PPP1R12B: variants seen among roughly 807,000 people sequenced by gnomAD.
The protein encoded by PPP1R12B is protein phosphatase 1 regulatory subunit 12B.
A neutral mutation model predicts 126.1 loss-of-function variants in PPP1R12B; 76 were observed. The ratio of observed to expected loss-of-function variants is 0.60; its 90% confidence interval spans 0.50 to 0.73. The LOEUF (loss-of-function observed/expected upper bound fraction) is 0.73, where lower values mean the gene tolerates loss of function less well. PPP1R12B is among the 30% of genes least tolerant of loss of function. PPP1R12B has a pLI of 0.00. For synonymous variants in PPP1R12B, 356 were observed against 434.7 expected (o/e 0.82, Z 2.25); for missense variants, 1,052 against 1,205.1 (o/e 0.87, Z 1.88).
At chr1:202,422,185 TG>T (rs1261885013) in intron 2 of PPP1R12B, among the ~76,000 whole-genome samples, 2 of 152,234 alleles carry the variant, frequency 1.3e-5, no homozygotes, top group East Asian at 3.8e-4. Flanking sequence ...GATGTCTGGT[TG>T]ATAGGAGAGT....
chr1:202,401,047 T>C (rs1473945641), intron 1 of PPP1R12B, among the ~76,000 whole-genome samples: 8 of 152,246 alleles, frequency 5.3e-5, no homozygotes, highest in Admixed American at 3.3e-4. Context: ...AGATTTTTAG[T>C]GTCCATAAAA....
chr1:202,585,055 G>A lies in PPP1R12B; in HGVS notation c.*4495G>A, dbSNP rs1165469232. On this transcript the variant is annotated 3_prime_UTR_variant, in exon 24 of 24. Coordinates refer to ENST00000608999, the MANE Select transcript of PPP1R12B (RefSeq NM_002481.4). Reference sequence around the variant, plus strand: ...TCTCTCGCCCAGGCTGGAGTGCAGTGGTGTGATCTCAGCTCACTGCAACCT... The same window carrying A: ...TCTCTCGCCCAGGCTGGAGTGCAGTAGTGTGATCTCAGCTCACTGCAACCT... 6.6e-6 allele frequency: 1 copy of A among 152,404 alleles called. No individual in the cohort carries two copies. Among genetic ancestry groups the A allele is most frequent in the Non-Finnish European group, 1.5e-5 (1 of 68,224 alleles). 9.4% of individuals were successfully genotyped at this position (152,404 alleles called of 1,614,324 possible).
At chr1:202,501,453 G>A (rs1680219752) in intron 18 of PPP1R12B, among the ~76,000 whole-genome samples, 2 of 152,282 alleles carry the variant, frequency 1.3e-5, no homozygotes, top group South Asian at 4.1e-4. Flanking sequence ...AGCCAATCCT[G>A]TTGTATAATT....
intron 23 of PPP1R12B, chr1:202,575,730 C>A (rs1689033486): frequency 6.6e-6 from 1 of 152,138 alleles, no homozygotes; most frequent in Non-Finnish European, 1.5e-5. Flanking sequence ...GGGTCCATCC[C>A]CAAATAATCA....
chr1:202,527,818 G>A (rs927598736), intron 18 of PPP1R12B, among the ~76,000 whole-genome samples: 10 of 145,312 alleles, frequency 6.9e-5, no homozygotes, highest in South Asian at 2.2e-4. Flanking sequence ...AGAAGGAAGC[G>A]AGAATCTACA....
At chr1:202,574,167 C>CAA (rs11320060) in intron 23 of PPP1R12B, among the ~76,000 whole-genome samples, 17 of 122,328 alleles carry the variant, frequency 1.4e-4, no homozygotes, top group South Asian at 5.3e-4. Context: ...ACATGCCCCA[C>CAA]AAAAAAAAAA....
intron 1 of PPP1R12B, among the ~76,000 whole-genome samples, chr1:202,388,378 G>A (rs1287263596): frequency 6.6e-6 from 1 of 152,072 alleles, no homozygotes; most frequent in Non-Finnish European, 1.5e-5. Flanking sequence ...GCTAATTTTT[G>A]TATTTTTAGT....
intron 5 of PPP1R12B, 167 bp from the exon 6 acceptor site, chr1:202,428,687 CT>C (rs1361437474): frequency 1.7e-6 from 1 of 600,312 alleles, no homozygotes; most frequent in African/African-American, 1.9e-5. Flanking sequence ...GTTATGTGTC[CT>C]GTGTGATAGA....
At chr1:202,382,638 A>T (rs1328114233) in intron 1 of PPP1R12B, among the ~76,000 whole-genome samples, 1 of 151,884 alleles carries the variant, frequency 6.6e-6, no homozygotes, top group Admixed American at 6.6e-5. Context: ...GCACTTTGGG[A>T]GGCTGAGGGG....
chr1:202,368,897 A>G (rs1238466224), intron 1 of PPP1R12B, among the ~76,000 whole-genome samples: 2 of 152,072 alleles, frequency 1.3e-5, no homozygotes, highest in Non-Finnish European at 2.9e-5. Context: ...ATGCCTGGCT[A>G]TTTTTAATTT....
intron 18 of PPP1R12B, among the ~76,000 whole-genome samples, chr1:202,552,473 T>C (rs1216415883): frequency 6.6e-6 from 1 of 152,230 alleles, no homozygotes; most frequent in Admixed American, 6.5e-5. Context: ...TATACTATTT[T>C]GCAATTAACT....
intron 1 of PPP1R12B, among the ~76,000 whole-genome samples, chr1:202,377,938 A>T (rs1267986499): frequency 7.2e-6 from 1 of 138,886 alleles, no homozygotes. Context: ...CCCCGGGTTC[A>T]CGCCATTCTC....
chr1:202,584,999 C>G lies in PPP1R12B; in HGVS notation c.*4439C>G, dbSNP rs1198836399. ...CGTGTAATTGGCCTAAATCTAGGCC[C>G]AGTTATTACTACAAATCTTAGTCAC... On this transcript the variant is annotated 3_prime_UTR_variant, in exon 24 of 24. Transcript: ENST00000608999. 1 of 152,248 alleles carries G rather than the reference C, an allele frequency of 6.6e-6. No homozygotes were observed. The highest frequency in any genetic ancestry group is 1.5e-5 in the Non-Finnish European group (1 of 68,098). 9.4% of individuals were successfully genotyped at this position (152,248 alleles called of 1,614,324 possible). A position where few individuals can be genotyped will look rare whatever the true frequency, so the allele number is the denominator to read the frequency against.
chr1:202,351,840 G>A (rs988556846), intron 1 of PPP1R12B, among the ~76,000 whole-genome samples: 1 of 152,164 alleles, frequency 6.6e-6, no homozygotes, highest in Non-Finnish European at 1.5e-5. Context: ...CTCCTACAAC[G>A]TCACAGTAGA....
intron 11 of PPP1R12B, among the ~76,000 whole-genome samples, chr1:202,441,219 TTAAAA>T (rs1160300192): frequency 1.3e-5 from 2 of 152,222 alleles, no homozygotes; most frequent in Non-Finnish European, 2.9e-5. Flanking sequence ...TCCTAATTAG[TTAAAA>T]TAAATATAGG....
rs368299156 is a variant in PPP1R12B at position 202,558,702 on chromosome 1, G to T, written c.2491-175G>T. ...TGTGAACTAGGGCTAAGTCACCTTT[G>T]TGTAGTCAATTTGATTGCTTTTCTT... On this transcript the variant is annotated intron_variant, in intron 18 of 23. Coordinates refer to ENST00000608999, the MANE Select transcript of PPP1R12B (RefSeq NM_002481.4). 46 of 547,492 alleles carry T rather than the reference G, an allele frequency of 8.4e-5. No individual in the cohort carries two copies. In the East Asian group the frequency reaches 1.4e-3, roughly 17 times the overall value. The allele number at this position is 547,492 out of a possible 1,614,324, so 33.9% of individuals were successfully genotyped here.
At chr1:202,403,095 A>C (rs1030993846) in intron 1 of PPP1R12B, among the ~76,000 whole-genome samples, 14 of 152,296 alleles carry the variant, frequency 9.2e-5, no homozygotes, top group Middle Eastern at 3.4e-3. Context: ...ATAAGAAAGT[A>C]AAGGGGATGG....
intron 13 of PPP1R12B, among the ~76,000 whole-genome samples, chr1:202,484,057 C>T (rs1290296435): frequency 1.3e-5 from 2 of 152,026 alleles, no homozygotes; most frequent in Admixed American, 6.6e-5. Context: ...GTTTTTAATC[C>T]GTTCAGCCAC....
intron 1 of PPP1R12B, among the ~76,000 whole-genome samples, chr1:202,371,236 G>T (rs1470532803): frequency 6.8e-5 from 10 of 147,804 alleles, no homozygotes; most frequent in African/African-American, 2.5e-4. Context: ...GCTCAGGCTG[G>T]TCTCAAACTC....
Sources: gnomAD v4.1 joint callset for allele counts (sites outside exome capture counted in the v4.1 genomes callset) on GRCh38, gnomAD v4.1.1 for gene constraint, MANE v1.5 for transcripts, NCBI Gene and HGNC (gene_info 2026-07-23, HGNC 2026-07-21) for gene names.